IRAK3: variants seen among roughly 807,000 people sequenced by gnomAD.
IRAK3 encodes the protein interleukin 1 receptor associated kinase 3.
A neutral mutation model predicts 56.6 loss-of-function variants in IRAK3; 57 were observed. The observed-to-expected ratio is 1.01, with a 90% CI of 0.81 to 1.26. IRAK3 has a LOEUF of 1.26. Among genes scored for constraint, IRAK3 ranks in the 50% most tolerant of loss-of-function variants. The probability of loss-of-function intolerance (pLI) is 0.00; values close to 1 mark genes in which losing one functional copy is unlikely to be tolerated. For synonymous variants in IRAK3, 258 were observed against 255.7 expected, an observed-to-expected ratio of 1.01 and a Z score of -0.09; for missense variants, 703 against 719.0, an observed-to-expected ratio of 0.98 and a Z score of 0.25.
At chr12:66,211,809 T>C (rs982132592) in intron 5 of IRAK3, among the ~76,000 whole-genome samples, 1 of 152,166 alleles carries the variant, frequency 6.6e-6, no homozygotes, top group Admixed American at 6.5e-5. Flanking sequence ...CCAGATGTTA[T>C]AGCATGAAAG....
chr12:66,243,638 C>T (rs2052995603), intron 8 of IRAK3, among the ~76,000 whole-genome samples: 1 of 152,192 alleles, frequency 6.6e-6, no homozygotes, highest in African/African-American at 2.4e-5. Flanking sequence ...CTATGCACTT[C>T]GTTTTCCCCC....
chr12:66,202,752 C>T (rs1042966349), intron 1 of IRAK3, among the ~76,000 whole-genome samples: 1 of 151,640 alleles, frequency 6.6e-6, no homozygotes, highest in Non-Finnish European at 1.5e-5. Context: ...CTGCAGTGAG[C>T]TGAGATTGCC....
chr12:66,189,487 C>T (rs1313366818), intron 1 of IRAK3, 55 bp downstream of exon 1: 31 of 1,100,222 alleles, frequency 2.8e-5, no homozygotes, highest in Non-Finnish European at 3.3e-5. Context: ...CGCCGCGGGG[C>T]CCGCTCGGCG....
chr12:66,215,743 T>C (rs1477539930), intron 5 of IRAK3, among the ~76,000 whole-genome samples: 1 of 142,158 alleles, frequency 7.0e-6, no homozygotes, highest in East Asian at 2.0e-4. Context: ...GGCCGGACTT[T>C]GCCCTTCTGC....
Position 66,217,238 on chromosome 12 carries a change from G to A in IRAK3, c.653+3G>A. On this transcript the variant is annotated splice_donor_region_variant and intron_variant, in intron 6 of 11. Coordinates refer to ENST00000261233, the MANE Select transcript of IRAK3 (RefSeq NM_007199.3). The stretch of plus-strand genomic sequence containing the variant: ...TCTGAGCTTGAAGTTTTACTACTGT[G>A]AGTATGTTTTCTCTGGAATTTCCTC... 1.2e-6 allele frequency: 2 copies of A among 1,602,064 alleles called. No individual in the cohort carries two copies. Among genetic ancestry groups the A allele is most frequent in the Non-Finnish European group, 1.7e-6 (2 of 1,169,132 alleles).
Position 66,248,852 on chromosome 12 carries a change from T to C in IRAK3, c.*681T>C, listed in dbSNP as rs2053064202. On this transcript the variant is annotated 3_prime_UTR_variant, in exon 12 of 12. Coordinates refer to ENST00000261233, the MANE Select transcript of IRAK3 (RefSeq NM_007199.3). ...TTTAAAAACAGACTTAGTGACCTATTATATCTTAAGGAGACTATGTGAAAT... is the reference window on the plus strand; with the variant it reads ...TTTAAAAACAGACTTAGTGACCTATCATATCTTAAGGAGACTATGTGAAAT... The C allele has an allele frequency of 6.6e-6, 1 of 152,226 alleles. No homozygotes were observed. The highest frequency in any genetic ancestry group is 1.5e-5 in the Non-Finnish European group (1 of 68,064). 9.4% of individuals were successfully genotyped at this position (152,226 alleles called of 1,614,324 possible).
chr12:66,248,391 C>T lies in IRAK3; in HGVS notation c.*220C>T, dbSNP rs2053059469. ...TTTTATCAGGATAATTGTCTCATGA[C>T]CAAATCCACGCTCAATTAGAGCCAT... On this transcript the variant is annotated 3_prime_UTR_variant, in exon 12 of 12. Transcript: ENST00000261233. 2.1e-6 allele frequency: 1 copy of T among 476,654 alleles called. No individual in the cohort carries two copies. The allele number at this position is 476,654 out of a possible 1,614,324, so 29.5% of individuals were successfully genotyped here.
At chr12:66,216,085 G>A (rs374265628) in intron 5 of IRAK3, among the ~76,000 whole-genome samples, 6 of 152,048 alleles carry the variant, frequency 3.9e-5, no homozygotes, top group African/African-American at 1.5e-4. Context: ...AATGAAGCTG[G>A]GGTTTTTTGG....
chr12:66,207,722 T>C (rs1278547788), intron 2 of IRAK3, among the ~76,000 whole-genome samples: 6 of 152,188 alleles, frequency 3.9e-5, no homozygotes, highest in African/African-American at 1.4e-4. Context: ...TGTTGTGTTT[T>C]CATTTTCATT....
In IRAK3 at chr12:66,225,187, G is replaced by C. The variant is rs187165878; in HGVS notation, c.654-1536G>C. ...TGCCTTCCAAAAGATTAGTCTCTCT[G>C]AATTATTTTAAGTTGCAGGAGAACC... On this transcript the variant is annotated intron_variant, in intron 6 of 11. Transcript: ENST00000261233. 4.7e-3 allele frequency among the ~76,000 whole-genome samples: 714 copies of C among 152,186 alleles called. 3 individuals are homozygous for C. Among genetic ancestry groups the C allele is most frequent in the South Asian group, 8.5e-3 (41 of 4,814 alleles).
intron 8 of IRAK3, among the ~76,000 whole-genome samples, chr12:66,230,471 G>T (rs2052833075): frequency 6.6e-6 from 1 of 152,192 alleles, no homozygotes; most frequent in Non-Finnish European, 1.5e-5. Context: ...ACATCCCAGA[G>T]GCAGGCAGGG....
At chr12:66,229,242 A>G (rs907204514) in intron 8 of IRAK3, among the ~76,000 whole-genome samples, 1 of 152,228 alleles carries the variant, frequency 6.6e-6, no homozygotes, top group Non-Finnish European at 1.5e-5. Flanking sequence ...TTTTTGAGAC[A>G]TGAGAAAATT....
intron 1 of IRAK3, chr12:66,197,066 A>G: frequency 7.1e-7 from 1 of 1,414,012 alleles, no homozygotes; most frequent in Non-Finnish European, 9.2e-7. Flanking sequence ...GCACTCTCAA[A>G]ACAGCCTTCA....
At chr12:66,198,163 T>C (rs2136914879) in intron 1 of IRAK3, 1 of 920,594 alleles carries the variant, frequency 1.1e-6, no homozygotes, top group Non-Finnish European at 1.3e-6. Flanking sequence ...TGCATCACCT[T>C]CTCAGAAATC....
intron 8 of IRAK3, 95 bp from the exon 9 acceptor site, chr12:66,244,390 TA>T: frequency 1.2e-6 from 1 of 857,038 alleles, no homozygotes; most frequent in Non-Finnish European, 2.0e-6. Context: ...TGTTTCGAAT[TA>T]ACCAGATATG....
At chr12:66,244,377 C>A in intron 8 of IRAK3, 109 bp from the exon 9 acceptor site, 1 of 769,762 alleles carries the variant, frequency 1.3e-6, no homozygotes, top group Non-Finnish European at 2.3e-6. Flanking sequence ...TTTATTTTGA[C>A]AGTGTTTCGA....
chr12:66,193,346 A>G (rs150168418), intron 1 of IRAK3, among the ~76,000 whole-genome samples: 4 of 152,162 alleles, frequency 2.6e-5, no homozygotes, highest in African/African-American at 7.2e-5. Context: ...TTTTAAATTT[A>G]TGGAAAAGTT....
chr12:66,206,883 T>G (rs1390654130), intron 2 of IRAK3, among the ~76,000 whole-genome samples: 4 of 152,236 alleles, frequency 2.6e-5, no homozygotes, highest in Admixed American at 1.3e-4. Context: ...GCTCAATCTC[T>G]TGTTATGAGT....
chr12:66,243,017 G>A (rs1327709223), intron 8 of IRAK3, among the ~76,000 whole-genome samples: 4 of 151,724 alleles, frequency 2.6e-5, no homozygotes, highest in African/African-American at 4.8e-5. Flanking sequence ...AGTGAGCTGA[G>A]ATCGTGCCAA....
Sources: allele counts gnomAD v4.1 joint callset (sites outside exome capture counted in the v4.1 genomes callset), GRCh38; gene constraint gnomAD v4.1.1; transcripts MANE v1.5; gene names NCBI Gene and HGNC (gene_info 2026-07-23, HGNC 2026-07-21).